The following CPED1 variants were observed in gnomAD, a reference collection of about 807,000 sequenced individuals.
CPED1 encodes the protein cadherin-like and PC-esterase domain-containing protein 1.
CPED1 carries 114 observed loss-of-function variants against 128.2 expected under a neutral mutation model. The observed-to-expected ratio is 0.89, with a 90% CI of 0.76 to 1.04. The LOEUF is 1.04. CPED1 is among the 50% of genes least tolerant of loss of function. The pLI is 0.00. For missense variants in CPED1, 1,211 were observed against 1,207.1 expected (o/e 1.00, Z -0.05); for synonymous variants, 462 against 426.7 (o/e 1.08, Z -1.02).
rs192952211 is a variant in CPED1, at chr7:121,132,184, T to C, written c.1578-1639T>C. 7.2e-5 allele frequency among the ~76,000 whole-genome samples: 11 copies of C among 152,238 alleles called. No homozygotes were observed. In the East Asian group the frequency reaches 2.1e-3, roughly 29 times the overall value. The stretch of plus-strand genomic sequence containing the variant: ...CATATTGCAATGAGGATGCATGTTA[T>C]ATACATGTTCCAGATGAGAAAATGA... On this transcript the variant is annotated intron_variant, in intron 12 of 22. Transcript: ENST00000310396.
intron 14 of CPED1, among the ~76,000 whole-genome samples, chr7:121,137,026 T>A (rs1475761057): frequency 2.6e-5 from 4 of 151,958 alleles, no homozygotes; most frequent in African/African-American, 9.7e-5. Context: ...TATATATACG[T>A]GTGTGTATGT....
intron 16 of CPED1, among the ~76,000 whole-genome samples, chr7:121,150,128 G>A (rs1219715029): frequency 6.6e-6 from 1 of 151,716 alleles, no homozygotes; most frequent in African/African-American, 2.4e-5. Context: ...TGATGCTGAG[G>A]TTTGGGGTAC....
chr7:121,106,983 G>A (rs779178941), intron 7 of CPED1, among the ~76,000 whole-genome samples: 34 of 152,000 alleles, frequency 2.2e-4, no homozygotes, highest in South Asian at 4.1e-4. Context: ...CACTTTAAGC[G>A]TCCATAGAGA....
intron 4 of CPED1, among the ~76,000 whole-genome samples, chr7:121,063,381 G>GAAAAAAAAAAGAAAA (rs1793732815): frequency 1.5e-5 from 1 of 67,042 alleles, no homozygotes. Flanking sequence ...TGAAGAAACT[G>GAAAAAAAAAAGAAAA]AAAAAAAAAA....
At chr7:121,067,315 C>G (rs1396146650) in intron 5 of CPED1, among the ~76,000 whole-genome samples, 1 of 151,950 alleles carries the variant, frequency 6.6e-6, no homozygotes, top group Non-Finnish European at 1.5e-5. Context: ...CTTCCTGTGT[C>G]CATGTGTTCT....
chr7:121,060,781 AC>A (rs760995778), intron 4 of CPED1, among the ~76,000 whole-genome samples: 127 of 152,260 alleles, frequency 8.3e-4, no homozygotes, highest in Non-Finnish European at 1.6e-3. Flanking sequence ...AGCAGTGGCA[AC>A]CCGCTCCGGT....
Position 121,040,978 on chromosome 7 carries a change from A to G in CPED1, c.434-5909A>G, listed in dbSNP as rs146797600. Reference sequence around the variant, plus strand: ...GTTTACAGAAAATTTCCAATATGTAAAGCACTGGAATCTCCCATTTGTTTG... The same window carrying G: ...GTTTACAGAAAATTTCCAATATGTAGAGCACTGGAATCTCCCATTTGTTTG... On this transcript the variant is annotated intron_variant, in intron 3 of 22. Transcript: ENST00000310396. Among the ~76,000 whole-genome samples the G allele has an allele frequency of 1.8e-3, 274 of 152,190 alleles. 1 individual carries two copies. Among genetic ancestry groups the G allele is most frequent in the African/African-American group, 6.4e-3 (264 of 41,564 alleles).
intron 16 of CPED1, among the ~76,000 whole-genome samples, chr7:121,192,963 A>G (rs1364899865): frequency 6.6e-6 from 1 of 152,166 alleles, no homozygotes; most frequent in Admixed American, 6.6e-5. Context: ...ATCAAGTAAA[A>G]TCATTCTGGG....
chr7:121,222,027 G>A (rs1412985229), intron 16 of CPED1, among the ~76,000 whole-genome samples: 1 of 152,104 alleles, frequency 6.6e-6, no homozygotes, highest in Non-Finnish European at 1.5e-5. Context: ...TGAAGTCCTT[G>A]ACCATGCTTA....
intron 12 of CPED1, among the ~76,000 whole-genome samples, chr7:121,133,347 C>A (rs1196995485): frequency 6.6e-6 from 1 of 151,994 alleles, no homozygotes; most frequent in Non-Finnish European, 1.5e-5. Flanking sequence ...TTGCTATTCA[C>A]TACTGTTAAT....
intron 5 of CPED1, among the ~76,000 whole-genome samples, chr7:121,067,277 A>G (rs900015720): frequency 1.3e-5 from 2 of 149,804 alleles, no homozygotes; most frequent in Admixed American, 6.6e-5. Flanking sequence ...CCCCCACCCC[A>G]CAACAGGCCC....
At chr7:121,132,538 G>T (rs186236858) in intron 12 of CPED1, among the ~76,000 whole-genome samples, 172 of 152,126 alleles carry the variant, frequency 1.1e-3, no homozygotes, top group Non-Finnish European at 1.9e-3. Flanking sequence ...TTATATGTTT[G>T]TCCTGAGGCT....
intron 16 of CPED1, among the ~76,000 whole-genome samples, chr7:121,226,585 A>T (rs1191782430): frequency 2.6e-5 from 4 of 152,092 alleles, no homozygotes; most frequent in Admixed American, 1.3e-4. Flanking sequence ...TGTACTTTGT[A>T]AAGTAGATTT....
intron 3 of CPED1, among the ~76,000 whole-genome samples, chr7:121,016,573 C>T (rs543786919): frequency 1.3e-5 from 2 of 152,266 alleles, no homozygotes; most frequent in South Asian, 4.1e-4. Flanking sequence ...GAAACTGAGG[C>T]CTTACTGGCT....
intron 16 of CPED1, among the ~76,000 whole-genome samples, chr7:121,222,529 TA>T (rs1797906595): frequency 6.6e-6 from 1 of 152,210 alleles, no homozygotes; most frequent in South Asian, 2.1e-4. Flanking sequence ...GCATTGAATC[TA>T]TAAATTACCT....
intron 16 of CPED1, among the ~76,000 whole-genome samples, chr7:121,158,885 T>A (rs891843045): frequency 1.3e-5 from 2 of 152,184 alleles, no homozygotes; most frequent in African/African-American, 2.4e-5. Flanking sequence ...TAACTCCATG[T>A]AATAAAATAA....
chr7:121,073,338 AG>A (rs1242112788), intron 5 of CPED1, among the ~76,000 whole-genome samples: 4 of 152,144 alleles, frequency 2.6e-5, no homozygotes, highest in African/African-American at 9.7e-5. Context: ...AGATGGAAAA[AG>A]AGGAGGGTTT....
At chr7:121,176,314 A>G (rs546500625) in intron 16 of CPED1, among the ~76,000 whole-genome samples, 2 of 151,974 alleles carry the variant, frequency 1.3e-5, no homozygotes, top group East Asian at 3.9e-4. Context: ...AATAAATCAC[A>G]AAGTTGCAAC....
At chr7:121,091,069 AAAT>A (rs1377774377) in intron 5 of CPED1, among the ~76,000 whole-genome samples, 3 of 152,182 alleles carry the variant, frequency 2.0e-5, no homozygotes, top group Non-Finnish European at 4.4e-5. Flanking sequence ...TAGGTGTCAT[AAAT>A]CTGTTGACTA....
Sources: gnomAD v4.1 joint callset for allele counts (sites outside exome capture counted in the v4.1 genomes callset) on GRCh38, gnomAD v4.1.1 for gene constraint, MANE v1.5 for transcripts, NCBI Gene and HGNC (gene_info 2026-07-23, HGNC 2026-07-21) for gene names.